The following NRXN1 variants were observed in gnomAD, a reference collection of about 807,000 sequenced individuals.
NRXN1 encodes the protein neurexin-1.
In NRXN1, 39 loss-of-function variants were observed where a neutral mutation model predicts 150.9. The ratio of observed to expected loss-of-function variants is 0.26; its 90% CI spans 0.20 to 0.34. The LOEUF (loss-of-function observed/expected upper bound fraction) is 0.34, where lower values mean the gene tolerates loss of function less well. NRXN1 is among the 10% of genes least tolerant of loss of function. NRXN1 has a pLI of 1.00. For missense variants in NRXN1, 1,815 were observed against 1,949.9 expected (o/e 0.93, Z 1.30); for synonymous variants, 924 against 757.0 (o/e 1.22, Z -3.62).
chr2:50,026,853 TCTTTTC>T, intron 21 of NRXN1, among the ~76,000 whole-genome samples: 1 of 139,884 alleles, frequency 7.1e-6, no homozygotes, highest in Non-Finnish European at 1.5e-5. Context: ...TTAAGTCTTT[TCTTTTC>T]TTTTTTTTTT....
intron 17 of NRXN1, among the ~76,000 whole-genome samples, chr2:50,409,760 G>C (rs2083011990): frequency 1.3e-5 from 2 of 152,110 alleles, no homozygotes; most frequent in Non-Finnish European, 1.5e-5. Flanking sequence ...AGAATGTAAG[G>C]TGCTGTGTCA....
intron 5 of NRXN1, among the ~76,000 whole-genome samples, chr2:50,834,070 C>T (rs1395684585): frequency 6.6e-6 from 1 of 152,044 alleles, no homozygotes; most frequent in Non-Finnish European, 1.5e-5. Flanking sequence ...GTTACCAAAC[C>T]TAATTAGCAA....
intron 17 of NRXN1, among the ~76,000 whole-genome samples, chr2:50,408,027 T>C (rs1242114340): frequency 6.6e-6 from 1 of 152,160 alleles, no homozygotes; most frequent in Non-Finnish European, 1.5e-5. Flanking sequence ...ACTCAATAAA[T>C]ACTTGTTGTC....
chr2:50,558,113 G>A (rs939346656), intron 8 of NRXN1, among the ~76,000 whole-genome samples: 13 of 152,062 alleles, frequency 8.5e-5, no homozygotes, highest in African/African-American at 2.4e-4. Context: ...TTTCTGGCAG[G>A]CCCTCTTATA....
chr2:50,371,712 A>T (rs11125301), intron 17 of NRXN1, among the ~76,000 whole-genome samples: 82,109 of 151,762 alleles, frequency 0.54, 23,737 homozygotes, highest in East Asian at 0.92. Context: ...TGGATCCACA[A>T]TTTTATCAGA....
chr2:50,307,312 T>C (rs1475363826), intron 17 of NRXN1, among the ~76,000 whole-genome samples: 2 of 152,180 alleles, frequency 1.3e-5, no homozygotes, highest in Non-Finnish European at 2.9e-5. Flanking sequence ...TGATTTATCC[T>C]TATTATATAT....
chr2:50,384,560 T>G (rs986063005), intron 17 of NRXN1, among the ~76,000 whole-genome samples: 1 of 151,150 alleles, frequency 6.6e-6, no homozygotes, highest in Non-Finnish European at 1.5e-5. Flanking sequence ...AAGGTATTGT[T>G]TAGGGCCCAG....
intron 19 of NRXN1, among the ~76,000 whole-genome samples, chr2:50,069,377 G>A (rs1039903926): frequency 6.6e-6 from 1 of 152,092 alleles, no homozygotes; most frequent in Non-Finnish European, 1.5e-5. Flanking sequence ...ATGGTCCCAG[G>A]TATCAGATGG....
chr2:50,826,762 G>T (rs967345574), intron 5 of NRXN1, among the ~76,000 whole-genome samples: 1 of 152,184 alleles, frequency 6.6e-6, no homozygotes, highest in African/African-American at 2.4e-5. Context: ...TTGGTCTTGA[G>T]AAGTTTGAGA....
chr2:50,837,568 G>A (rs370848829), intron 5 of NRXN1, among the ~76,000 whole-genome samples: 3 of 152,050 alleles, frequency 2.0e-5, no homozygotes, highest in East Asian at 3.9e-4. Flanking sequence ...TTGTTAAGTT[G>A]CATACCTGAG....
intron 5 of NRXN1, among the ~76,000 whole-genome samples, chr2:50,708,027 T>C (rs1396017968): frequency 6.6e-6 from 1 of 152,194 alleles, no homozygotes; most frequent in South Asian, 2.1e-4. Flanking sequence ...AGGTATTATA[T>C]AGAAGTAACC....
chr2:50,257,620 T>A (rs957520472), intron 17 of NRXN1, among the ~76,000 whole-genome samples: 1 of 151,940 alleles, frequency 6.6e-6, no homozygotes, highest in Admixed American at 6.6e-5. Flanking sequence ...GAGCCTAACC[T>A]CTGGAAGTGC....
intron 5 of NRXN1, among the ~76,000 whole-genome samples, chr2:50,789,739 T>G (rs944003253): frequency 1.3e-5 from 2 of 152,068 alleles, no homozygotes; most frequent in African/African-American, 4.8e-5. Context: ...AGGTGGGGGA[T>G]ATGCAGAGAA....
At chr2:50,878,980 A>C (rs1381764384) in intron 5 of NRXN1, among the ~76,000 whole-genome samples, 1 of 151,910 alleles carries the variant, frequency 6.6e-6, no homozygotes, top group African/African-American at 2.4e-5. Context: ...TTTTTGTTTT[A>C]TGTGCCAACT....
intron 17 of NRXN1, among the ~76,000 whole-genome samples, chr2:50,449,393 C>T (rs1270191757): frequency 6.6e-6 from 1 of 152,218 alleles, no homozygotes; most frequent in Admixed American, 6.5e-5. Context: ...TAAGAGAAGT[C>T]TTCCCTCATT....
chr2:50,148,547 T>C (rs978060777), intron 18 of NRXN1, among the ~76,000 whole-genome samples: 5 of 151,698 alleles, frequency 3.3e-5, no homozygotes, highest in South Asian at 2.1e-4. Flanking sequence ...GTTTTTCTTT[T>C]CCTGAACACA....
intron 5 of NRXN1, among the ~76,000 whole-genome samples, chr2:50,707,674 C>A (rs1470376196): frequency 1.3e-5 from 2 of 152,140 alleles, no homozygotes; most frequent in Non-Finnish European, 2.9e-5. Context: ...CTTCAGGACT[C>A]TGACAGCATC....
At chr2:50,621,182 G>A (rs200624739) in intron 7 of NRXN1, 44 bp downstream of exon 7, 14 of 1,517,970 alleles carry the variant, frequency 9.2e-6, no homozygotes, top group Admixed American at 2.1e-5. Flanking sequence ...CCCAAAATAA[G>A]AAACAATTAG....
chr2:50,596,861 GA>G (rs1271119354), intron 8 of NRXN1, among the ~76,000 whole-genome samples: 24 of 96,566 alleles, frequency 2.5e-4, no homozygotes, highest in Admixed American at 2.3e-3. Flanking sequence ...AAATTCCTAG[GA>G]CTTTTTTTTT....
Sources: gnomAD v4.1 joint callset for allele counts (sites outside exome capture counted in the v4.1 genomes callset) on GRCh38, gnomAD v4.1.1 for gene constraint, MANE v1.5 for transcripts, NCBI Gene and HGNC (gene_info 2026-07-23, HGNC 2026-07-21) for gene names.